LRIG1: variants seen among roughly 807,000 people sequenced by gnomAD.
LRIG1 encodes the protein leucine rich repeats and immunoglobulin like domains 1.
In LRIG1, 48 loss-of-function variants were observed where a neutral mutation model predicts 99.2. That is an observed-to-expected ratio of 0.48 (90% CI 0.38 to 0.62). The LOEUF (loss-of-function observed/expected upper bound fraction) is 0.62, where lower values mean the gene tolerates loss of function less well. Among genes scored for constraint, LRIG1 ranks in the 20% least tolerant of loss-of-function variants. The probability of loss-of-function intolerance (pLI) is 0.00; values close to 1 mark genes in which losing one functional copy is unlikely to be tolerated. For synonymous variants in LRIG1, 772 were observed against 596.1 expected, an observed-to-expected ratio of 1.29 and a Z score of -4.30; for missense variants, 1,646 against 1,434.4, an observed-to-expected ratio of 1.15 and a Z score of -2.38.
At chr3:66,384,317 TGC>T in intron 13 of LRIG1, 45 bp from the exon 14 acceptor site, 1 of 1,575,734 alleles carries the variant, frequency 6.3e-7, no homozygotes, top group Non-Finnish European at 8.7e-7. Context: ...GACAGCTAGA[TGC>T]AAAACCAGGA....
At chr3:66,496,357 C>T (rs904714419) in intron 1 of LRIG1, among the ~76,000 whole-genome samples, 6 of 152,152 alleles carry the variant, frequency 3.9e-5, no homozygotes, top group African/African-American at 1.4e-4. Context: ...ATATTACGGC[C>T]ACAATTTCAT....
intron 2 of LRIG1, among the ~76,000 whole-genome samples, chr3:66,456,314 G>A (rs1216934957): frequency 6.6e-6 from 1 of 152,200 alleles, no homozygotes; most frequent in Non-Finnish European, 1.5e-5. Flanking sequence ...CAGGCATGGT[G>A]GCTCACACCT....
chr3:66,409,152 G>C (rs996005666), intron 7 of LRIG1, among the ~76,000 whole-genome samples: 2 of 152,006 alleles, frequency 1.3e-5, no homozygotes, highest in African/African-American at 4.8e-5. Flanking sequence ...TCACTTCAGT[G>C]GGTGAATTTT....
chr3:66,399,140 T>C, intron 9 of LRIG1, 99 bp from the exon 10 acceptor site: 1 of 954,538 alleles, frequency 1.0e-6, no homozygotes, highest in Non-Finnish European at 1.6e-6. Flanking sequence ...ACAATTAAGG[T>C]AGTGCTACCT....
In LRIG1 at chr3:66,379,091, C is replaced by CAGCTTTT. The variant is rs1304739165; in HGVS notation, c.*1165_*1171dup. 6.6e-6 allele frequency: 1 copy of CAGCTTTT among 152,636 alleles called. No homozygotes were observed. Among genetic ancestry groups the CAGCTTTT allele is most frequent in the African/African-American group, 2.4e-5 (1 of 41,454 alleles). 9.5% of individuals were successfully genotyped at this position (152,636 alleles called of 1,614,324 possible). A position where few individuals can be genotyped will look rare whatever the true frequency, so the allele number is the denominator to read the frequency against. On this transcript the variant is annotated 3_prime_UTR_variant, in exon 19 of 19. Coordinates refer to ENST00000273261, the MANE Select transcript of LRIG1 (RefSeq NM_015541.3). ...TAACTATTTTCTCAGTAACTCCCTT[C>CAGCTTTT]AGCTTTTGGCCAAAGGAACATTTGA...
intron 1 of LRIG1, among the ~76,000 whole-genome samples, chr3:66,464,627 CAT>C (rs1700430348): frequency 6.6e-6 from 1 of 152,018 alleles, no homozygotes; most frequent in Non-Finnish European, 1.5e-5. Flanking sequence ...TCAAAGGGAA[CAT>C]ATGTTTCTGG....
intron 7 of LRIG1, among the ~76,000 whole-genome samples, chr3:66,409,276 G>A (rs1029583998): frequency 6.6e-6 from 1 of 152,166 alleles, no homozygotes; most frequent in African/African-American, 2.4e-5. Flanking sequence ...CATATCAAAT[G>A]GAAAGAACAG....
intron 1 of LRIG1, among the ~76,000 whole-genome samples, chr3:66,482,979 A>G (rs1021451851): frequency 2.6e-5 from 4 of 152,166 alleles, no homozygotes; most frequent in African/African-American, 9.7e-5. Context: ...TTTATTCAAT[A>G]AATGCCTAAC....
intron 1 of LRIG1, among the ~76,000 whole-genome samples, chr3:66,484,135 G>A (rs985643278): frequency 3.9e-5 from 6 of 152,134 alleles, no homozygotes; most frequent in African/African-American, 1.4e-4. Flanking sequence ...GGTGGTGAGG[G>A]GTATAGGAAG....
chr3:66,482,784 A>G (rs1700880944), intron 1 of LRIG1, among the ~76,000 whole-genome samples: 1 of 152,258 alleles, frequency 6.6e-6, no homozygotes, highest in South Asian at 2.1e-4. Context: ...TTATTATACA[A>G]TAAATATTAA....
In LRIG1 at chr3:66,462,528, GA is replaced by G; in HGVS notation, c.219-20del. 1.9e-6 allele frequency: 3 copies of G among 1,565,568 alleles called. No individual in the cohort carries two copies. The highest frequency in any genetic ancestry group is 1.1e-5 in the South Asian group (1 of 88,488). ...CAGGTTTCTGGTAAAGACAGAGAGA[GA>G]AAAAAACGGAATCAACAACCTGGCA... On this transcript the variant is annotated intron_variant, in intron 1 of 18. Transcript: ENST00000273261.
intron 1 of LRIG1, among the ~76,000 whole-genome samples, chr3:66,463,995 T>C (rs968661912): frequency 1.3e-5 from 2 of 152,240 alleles, no homozygotes; most frequent in South Asian, 2.1e-4. Flanking sequence ...AAACCGCATA[T>C]TGAACTCAAG....
intron 1 of LRIG1, among the ~76,000 whole-genome samples, chr3:66,474,917 T>C (rs1028247468): frequency 3.3e-5 from 5 of 152,220 alleles, no homozygotes; most frequent in East Asian, 3.8e-4. Flanking sequence ...TAAACTCTTT[T>C]TGGAGTTTCA....
intron 13 of LRIG1, among the ~76,000 whole-genome samples, chr3:66,385,005 TC>T (rs1701300430): frequency 6.6e-6 from 1 of 152,194 alleles, no homozygotes; most frequent in Non-Finnish European, 1.5e-5. Flanking sequence ...TTCGCTGTGA[TC>T]TGTGGGGGCT....
At chr3:66,460,515 C>T (rs369676228) in intron 2 of LRIG1, among the ~76,000 whole-genome samples, 17 of 152,134 alleles carry the variant, frequency 1.1e-4, no homozygotes, top group African/African-American at 4.1e-4. Flanking sequence ...TCCAATATGA[C>T]TGGTGTCTTT....
chr3:66,382,862 A>T, intron 15 of LRIG1, 120 bp downstream of exon 15: 1 of 868,240 alleles, frequency 1.2e-6, no homozygotes. Flanking sequence ...GTGGGACTAA[A>T]CCCTCAGGAG....
intron 1 of LRIG1, among the ~76,000 whole-genome samples, chr3:66,465,787 C>T (rs895488171): frequency 2.0e-5 from 3 of 152,140 alleles, no homozygotes; most frequent in Admixed American, 2.0e-4. Context: ...CCATCACCAC[C>T]GTCCATCTCC....
chr3:66,469,565 T>C (rs866776508), intron 1 of LRIG1, among the ~76,000 whole-genome samples: 3 of 152,212 alleles, frequency 2.0e-5, no homozygotes, highest in African/African-American at 4.8e-5. Flanking sequence ...AGGTCTTACA[T>C]GTGCTTCTCG....
intron 3 of LRIG1, among the ~76,000 whole-genome samples, chr3:66,433,660 T>A (rs1286069432): frequency 3.3e-5 from 5 of 152,220 alleles, no homozygotes; most frequent in African/African-American, 1.2e-4. Flanking sequence ...ACCACGCAAT[T>A]TCTCAAGCCT....
Sources: gnomAD v4.1 joint callset for allele counts (sites outside exome capture counted in the v4.1 genomes callset) on GRCh38, gnomAD v4.1.1 for gene constraint, MANE v1.5 for transcripts, NCBI Gene and HGNC (gene_info 2026-07-23, HGNC 2026-07-21) for gene names.